Variants in RCAN2 observed in about 807,000 individuals in gnomAD.
RCAN2 encodes the protein calcipressin-2.
In RCAN2, 9 loss-of-function variants were observed where a neutral mutation model predicts 23.6. The observed-to-expected ratio is 0.38, with a 90% CI of 0.23 to 0.67. RCAN2 has a LOEUF of 0.67. RCAN2 is among the 30% of genes least tolerant of loss of function. The probability of loss-of-function intolerance (pLI) is 0.51; values close to 1 mark genes in which losing one functional copy is unlikely to be tolerated. For missense variants in RCAN2, 273 were observed against 302.3 expected, an observed-to-expected ratio of 0.90 and a Z score of 0.72; for synonymous variants, 109 against 115.7, an observed-to-expected ratio of 0.94 and a Z score of 0.37.
At chr6:46,370,362 A>G (rs939100696) in intron 2 of RCAN2, among the ~76,000 whole-genome samples, 1 of 151,920 alleles carries the variant, frequency 6.6e-6, no homozygotes, top group Non-Finnish European at 1.5e-5. Context: ...TCCTATATTC[A>G]TTCTCTACCC....
chr6:46,223,367 T>C (rs1453430585), intron 4 of RCAN2, 66 bp from the exon 5 acceptor site: 26 of 1,492,664 alleles, frequency 1.7e-5, no homozygotes, highest in Non-Finnish European at 2.0e-5. Context: ...TGGAGCAGGG[T>C]CTGCTTAGGA....
At chr6:46,348,819 C>A (rs1747413217) in intron 2 of RCAN2, among the ~76,000 whole-genome samples, 1 of 152,120 alleles carries the variant, frequency 6.6e-6, no homozygotes, top group Admixed American at 6.6e-5. Context: ...GACAATGCAC[C>A]TTGCAAGTTT....
chr6:46,460,056 G>GTT (rs143690465), intron 1 of RCAN2, among the ~76,000 whole-genome samples: 2 of 148,194 alleles, frequency 1.3e-5, no homozygotes, highest in Admixed American at 1.3e-4. Flanking sequence ...CTCTGTTGTT[G>GTT]TTTTTTTTTT....
At chr6:46,286,978 C>A (rs891108870) in intron 2 of RCAN2, among the ~76,000 whole-genome samples, 50 of 151,726 alleles carry the variant, frequency 3.3e-4, no homozygotes, top group Admixed American at 3.1e-3. Context: ...GTACTCTAGC[C>A]TGGGCAACAA....
chr6:46,459,828 A>T (rs1480185333), intron 1 of RCAN2, among the ~76,000 whole-genome samples: 2 of 152,144 alleles, frequency 1.3e-5, no homozygotes, highest in Non-Finnish European at 2.9e-5. Flanking sequence ...ACATAAAAGA[A>T]TATGTAATAT....
chr6:46,324,178 G>A (rs1763714943), intron 2 of RCAN2, among the ~76,000 whole-genome samples: 1 of 152,226 alleles, frequency 6.6e-6, no homozygotes, highest in African/African-American at 2.4e-5. Flanking sequence ...ATCACAGACA[G>A]TGCCAAACCT....
intron 2 of RCAN2, among the ~76,000 whole-genome samples, chr6:46,417,008 C>G (rs1470194016): frequency 6.6e-6 from 1 of 152,172 alleles, no homozygotes; most frequent in African/African-American, 2.4e-5. Context: ...TCTCATATTG[C>G]TAGACTTTAT....
chr6:46,446,950 G>C (rs1561909569), intron 2 of RCAN2, among the ~76,000 whole-genome samples: 1 of 151,988 alleles, frequency 6.6e-6, no homozygotes, highest in Non-Finnish European at 1.5e-5. Context: ...AAGCAACTAA[G>C]AACAATTAAC....
At chr6:46,478,000 A>G (rs1768760672) in intron 1 of RCAN2, among the ~76,000 whole-genome samples, 1 of 152,228 alleles carries the variant, frequency 6.6e-6, no homozygotes, top group African/African-American at 2.4e-5. Flanking sequence ...TTTAACTAAG[A>G]ATAGCTCTGC....
intron 2 of RCAN2, among the ~76,000 whole-genome samples, chr6:46,253,087 A>G (rs1766789930): frequency 6.6e-6 from 1 of 152,226 alleles, no homozygotes; most frequent in African/African-American, 2.4e-5. Context: ...TCCCTGAGTT[A>G]TATAACTTTT....
intron 2 of RCAN2, among the ~76,000 whole-genome samples, chr6:46,424,716 G>A (rs1345228934): frequency 1.3e-5 from 2 of 152,198 alleles, no homozygotes; most frequent in Non-Finnish European, 2.9e-5. Context: ...TGTGACCTGG[G>A]ACAAGTTACT....
chr6:46,375,525 T>C (rs1184543647), intron 2 of RCAN2, among the ~76,000 whole-genome samples: 1 of 152,196 alleles, frequency 6.6e-6, no homozygotes, highest in Non-Finnish European at 1.5e-5. Flanking sequence ...AAAAACCTTC[T>C]TGAATGTGGC....
At chr6:46,475,257 T>C (rs1398065874) in intron 1 of RCAN2, among the ~76,000 whole-genome samples, 1 of 152,180 alleles carries the variant, frequency 6.6e-6, no homozygotes, top group Non-Finnish European at 1.5e-5. Context: ...GCAGAAGCCA[T>C]TGCTGTTTTC....
intron 2 of RCAN2, among the ~76,000 whole-genome samples, chr6:46,402,508 T>G (rs922745323): frequency 1.3e-5 from 2 of 152,078 alleles, no homozygotes; most frequent in Admixed American, 6.5e-5. Context: ...AAAATATTAC[T>G]CTAAGTTTGT....
chr6:46,407,599 C>T (rs1036161489), intron 2 of RCAN2, among the ~76,000 whole-genome samples: 3 of 152,134 alleles, frequency 2.0e-5, no homozygotes, highest in African/African-American at 7.2e-5. Context: ...AGGAGTGCAT[C>T]TTGGAGGATG....
intron 2 of RCAN2, among the ~76,000 whole-genome samples, chr6:46,453,082 A>C (rs975492206): frequency 6.6e-6 from 1 of 152,186 alleles, no homozygotes; most frequent in South Asian, 2.1e-4. Context: ...TAGCATAGAC[A>C]CAGGGCAGCT....
intron 2 of RCAN2, among the ~76,000 whole-genome samples, chr6:46,393,312 C>A (rs532462824): frequency 6.6e-6 from 1 of 152,200 alleles, no homozygotes; most frequent in African/African-American, 2.4e-5. Context: ...CTTCCATGAA[C>A]CTTGGTTTTT....
chr6:46,287,630 C>T (rs1762416955), intron 2 of RCAN2, among the ~76,000 whole-genome samples: 1 of 152,234 alleles, frequency 6.6e-6, no homozygotes, highest in Admixed American at 6.5e-5. Flanking sequence ...AAACTTTTCA[C>T]AGAAGTAGAA....
At chr6:46,307,154 G>A (rs1409978150) in intron 2 of RCAN2, among the ~76,000 whole-genome samples, 1 of 152,096 alleles carries the variant, frequency 6.6e-6, no homozygotes, top group Non-Finnish European at 1.5e-5. Context: ...ATTAAATATT[G>A]AGCACTATGC....
Sources: allele counts gnomAD v4.1 joint callset (sites outside exome capture counted in the v4.1 genomes callset), GRCh38; gene constraint gnomAD v4.1.1; transcripts MANE v1.5; gene names NCBI Gene and HGNC (gene_info 2026-07-23, HGNC 2026-07-21).